Variants in GOLGB1 observed in about 807,000 individuals in gnomAD.
The protein encoded by GOLGB1 is golgin subfamily B member 1.
A neutral mutation model predicts 336.9 loss-of-function variants in GOLGB1; 174 were observed. That is an observed-to-expected ratio of 0.52 (90% CI 0.46 to 0.59). The LOEUF is 0.59. GOLGB1 is among the 20% of genes least tolerant of loss of function. The pLI is 0.00. For missense variants in GOLGB1, 3,331 were observed against 3,645.3 expected, an observed-to-expected ratio of 0.91 and a Z score of 2.22; for synonymous variants, 1,208 against 1,289.2, an observed-to-expected ratio of 0.94 and a Z score of 1.35.
intron 14 of GOLGB1, among the ~76,000 whole-genome samples, chr3:121,685,991 C>G (rs949208628): frequency 1.3e-5 from 2 of 152,106 alleles, no homozygotes; most frequent in African/African-American, 4.8e-5. Flanking sequence ...AAGCTGTGTG[C>G]CTGGGACTGC....
intron 1 of GOLGB1, chr3:121,749,075 A>C (rs778962684): frequency 2.1e-5 from 4 of 186,330 alleles, no homozygotes; most frequent in Non-Finnish European, 3.0e-5. Context: ...TCATCTTTCC[A>C]GTAACCCATT....
At chr3:121,729,701 G>A (rs1945939157) in intron 3 of GOLGB1, among the ~76,000 whole-genome samples, 164 bp downstream of exon 3, 1 of 152,128 alleles carries the variant, frequency 6.6e-6, no homozygotes, top group African/African-American at 2.4e-5. Context: ...ACAGGTGTGA[G>A]CTACCACACC....
intron 10 of GOLGB1, 94 bp from the exon 11 acceptor site, chr3:121,702,689 G>A (rs1267290697): frequency 2.1e-6 from 1 of 465,352 alleles, no homozygotes; most frequent in Non-Finnish European, 3.8e-6. Flanking sequence ...TCTTCTAGAA[G>A]TTCTCCAGCC....
intron 13 of GOLGB1, 47 bp from the exon 14 acceptor site, chr3:121,692,628 T>C: frequency 3.5e-6 from 4 of 1,139,920 alleles, no homozygotes; most frequent in Non-Finnish European, 5.0e-6. Context: ...AGAAAAAAAC[T>C]GTGTTTCCCA....
intron 20 of GOLGB1, among the ~76,000 whole-genome samples, chr3:121,666,486 A>G (rs565241336): frequency 1.3e-5 from 2 of 152,332 alleles, no homozygotes; most frequent in East Asian, 3.9e-4. Context: ...AATGCTCGGC[A>G]GAGATGGCAA....
At chr3:121,714,130 A>G (rs1944569508) in intron 10 of GOLGB1, among the ~76,000 whole-genome samples, 2 of 152,210 alleles carry the variant, frequency 1.3e-5, no homozygotes, top group South Asian at 2.1e-4. Context: ...ACCAAGAGGC[A>G]AAAATTTTTA....
At chr3:121,667,731 C>T in intron 19 of GOLGB1, 121 bp from the exon 20 acceptor site, 1 of 849,128 alleles carries the variant, frequency 1.2e-6, no homozygotes, top group Non-Finnish European at 1.8e-6. Context: ...TGTCTAAACA[C>T]AATATTTTAA....
At chr3:121,729,438 G>C (rs1357869826) in intron 3 of GOLGB1, 98 bp from the exon 4 acceptor site, 34 of 993,318 alleles carry the variant, frequency 3.4e-5, no homozygotes, top group Non-Finnish European at 4.9e-5. Context: ...TTCAGAGACA[G>C]GGTATCTCTC....
At position 121,697,012 on chromosome 3, in the gene GOLGB1, T is replaced by C. The variant is rs201513413; in HGVS notation, c.3511A>G (p.Ile1171Val). 1.2e-6 allele frequency: 2 copies of C among 1,614,140 alleles called. No homozygotes were observed. The highest frequency in any genetic ancestry group is 1.7e-5 in the Admixed American group (1 of 60,026). The change falls in exon 13 of 22, where the codon ATA becomes GTA. Residue 1171 changes from isoleucine (I) to valine (V), a missense_variant. Ile to Val is a conservative substitution (Grantham distance 29, BLOSUM62 3). Transcript: ENST00000614479. ...TCCTTTTCTTTTTCAAGGGCCAGTA[T>C]CTTTTCTTCTAGTTCTGGTTTCCAG... The part of the protein sequence containing the change: ...EHWKPELEEK[I>V]LALEKEKEQL...
intron 1 of GOLGB1, among the ~76,000 whole-genome samples, chr3:121,734,041 T>C (rs1946307040): frequency 6.6e-6 from 1 of 152,178 alleles, no homozygotes; most frequent in Non-Finnish European, 1.5e-5. Flanking sequence ...TGATTAAAAA[T>C]TTATCAAAAC....
intron 14 of GOLGB1, among the ~76,000 whole-genome samples, chr3:121,685,774 T>C (rs1376017074): frequency 2.0e-5 from 3 of 152,052 alleles, no homozygotes; most frequent in Non-Finnish European, 4.4e-5. Flanking sequence ...AGAAATGGGG[T>C]TGAGGTAGTG....
At chr3:121,720,294 T>A (rs757444619) in intron 6 of GOLGB1, among the ~76,000 whole-genome samples, 6 of 152,234 alleles carry the variant, frequency 3.9e-5, no homozygotes, top group Non-Finnish European at 7.3e-5. Flanking sequence ...AAGAACCTCA[T>A]GTGCTTCTAA....
At chr3:121,692,676 A>G (rs1175507929) in intron 13 of GOLGB1, 95 bp from the exon 14 acceptor site, 4 of 666,892 alleles carry the variant, frequency 6.0e-6, no homozygotes, top group Non-Finnish European at 1.0e-5. Flanking sequence ...ATAGATTTAC[A>G]AATGAATTAA....
intron 17 of GOLGB1, among the ~76,000 whole-genome samples, chr3:121,675,497 G>A (rs1940248050): frequency 6.6e-6 from 1 of 152,114 alleles, no homozygotes. Context: ...CAGCATGAGA[G>A]TGGAAAAATG....
intron 1 of GOLGB1, among the ~76,000 whole-genome samples, chr3:121,737,685 T>C (rs985922602): frequency 2.0e-4 from 30 of 150,810 alleles, no homozygotes; most frequent in African/African-American, 7.1e-4. Context: ...AGAAGAAATA[T>C]AAAAACTATT....
Position 121,696,185 on chromosome 3 carries a change from T to G in GOLGB1, c.4338A>C (p.Thr1446=), listed in dbSNP as rs1369330606. 2 of 1,613,982 alleles carry G rather than the reference T, an allele frequency of 1.2e-6. No homozygotes were observed. Among genetic ancestry groups the G allele is most frequent in the Non-Finnish European group, 1.7e-6 (2 of 1,179,970 alleles). Residue 1446 remains threonine (T), a synonymous_variant, in exon 13 of 22, where the codon ACA becomes ACC. Coordinates refer to ENST00000614479, the MANE Select transcript of GOLGB1 (RefSeq NM_001366282.2). ...EQEDLIKALH[T]QLEMQAKEHD... Reference sequence around the variant, plus strand: ...GCTCTTTGGCTTGCATTTCTAGCTGTGTATGCAGAGCCTTAATTAAATCTT... The same window carrying G: ...GCTCTTTGGCTTGCATTTCTAGCTGGGTATGCAGAGCCTTAATTAAATCTT...
intron 10 of GOLGB1, among the ~76,000 whole-genome samples, chr3:121,703,290 A>G (rs534998399): frequency 6.6e-6 from 1 of 152,340 alleles, no homozygotes; most frequent in South Asian, 2.1e-4. Flanking sequence ...TTCAATGTTT[A>G]AAATAAATAG....
Position 121,690,956 on chromosome 3 carries a change from T to C in GOLGB1, c.8408A>G (p.Asn2803Ser). Residue 2803 changes from asparagine (N) to serine (S), a missense_variant, in exon 14 of 22, where the codon AAT (asparagine) becomes AGT (serine). Coordinates refer to ENST00000614479, the MANE Select transcript of GOLGB1 (RefSeq NM_001366282.2). ...AAGTTTCTCAAGGTGAGACAAGCTA[T>C]TCTCCTCAGTGGAGTTCATTGAAAA... ...TAFSMNSTEE[N>S]SLSHLEKLNQ... The C allele has an allele frequency of 1.9e-6, 3 of 1,614,240 alleles. No homozygotes were observed. Among genetic ancestry groups the C allele is most frequent in the Non-Finnish European group, 2.5e-6 (3 of 1,180,032 alleles).
intron 17 of GOLGB1, among the ~76,000 whole-genome samples, chr3:121,676,608 A>G (rs922506697): frequency 2.6e-5 from 4 of 152,212 alleles, no homozygotes; most frequent in African/African-American, 9.7e-5. Flanking sequence ...CAGCATTACT[A>G]CAAGTGATAC....
Sources: gnomAD v4.1 joint callset for allele counts (sites outside exome capture counted in the v4.1 genomes callset) on GRCh38, gnomAD v4.1.1 for gene constraint, MANE v1.5 for transcripts, NCBI Gene and HGNC (gene_info 2026-07-23, HGNC 2026-07-21) for gene names.